Variants in STUM observed in about 807,000 individuals in gnomAD.
STUM encodes the protein protein stum homolog.
In STUM, 8 loss-of-function variants were observed where a neutral mutation model predicts 15.3. The ratio of observed to expected loss-of-function variants is 0.52; its 90% CI spans 0.31 to 0.94. STUM has a LOEUF of 0.94. STUM is among the 40% of genes least tolerant of loss of function. The probability of loss-of-function intolerance (pLI) is 0.05; values close to 1 mark genes in which losing one functional copy is unlikely to be tolerated. For missense variants in STUM, 142 were observed against 204.9 expected (o/e 0.69, Z 1.87); for synonymous variants, 78 against 88.7 (o/e 0.88, Z 0.68).
intron 1 of STUM, among the ~76,000 whole-genome samples, chr1:226,589,182 A>G (rs1378723935): frequency 6.6e-6 from 1 of 152,096 alleles, no homozygotes; most frequent in Non-Finnish European, 1.5e-5. Context: ...GCACCTCCCA[A>G]AGCTCCCACG....
chr1:226,589,218 G>T (rs1668046136), intron 1 of STUM, among the ~76,000 whole-genome samples: 1 of 152,158 alleles, frequency 6.6e-6, no homozygotes, highest in African/African-American at 2.4e-5. Flanking sequence ...GCTGAACCCG[G>T]TGAGAACTCC....
chr1:226,594,821 A>C (rs1668150844), intron 1 of STUM, among the ~76,000 whole-genome samples: 1 of 152,024 alleles, frequency 6.6e-6, no homozygotes, highest in African/African-American at 2.4e-5. Flanking sequence ...CATCCTGCTA[A>C]TTTTTGTATT....
chr1:226,571,310 T>C (rs1050818674), intron 1 of STUM, among the ~76,000 whole-genome samples: 1 of 152,172 alleles, frequency 6.6e-6, no homozygotes, highest in Admixed American at 6.5e-5. Context: ...TCTGTATTGA[T>C]GTATTAAATA....
At chr1:226,570,718 G>A (rs1310437209) in intron 1 of STUM, among the ~76,000 whole-genome samples, 6 of 152,148 alleles carry the variant, frequency 3.9e-5, no homozygotes, top group Non-Finnish European at 8.8e-5. Flanking sequence ...TCCTTCATAT[G>A]TGAAGGGTGA....
chr1:226,590,536 G>A (rs908272014), intron 1 of STUM, among the ~76,000 whole-genome samples: 1 of 152,122 alleles, frequency 6.6e-6, no homozygotes, highest in African/African-American at 2.4e-5. Flanking sequence ...AAATCTTGGT[G>A]TCCCCTAGGG....
Position 226,548,772 on chromosome 1 carries a change from C to A in STUM, c.-133C>A. On this transcript the variant is annotated 5_prime_UTR_variant, in exon 1 of 4. Coordinates refer to ENST00000366788, the MANE Select transcript of STUM (RefSeq NM_001003665.4). ...GGAGGGCGGGAGTCTCCGCGAGCCG[C>A]GCGGCGCACGGAGCACGGCGGCCGC... The A allele has an allele frequency of 1.5e-6, 1 of 673,732 alleles. No homozygotes were observed. The highest frequency in any genetic ancestry group is 2.0e-6 in the Non-Finnish European group (1 of 494,952). The allele number at this position is 673,732 out of a possible 1,614,324, so 41.7% of individuals were successfully genotyped here.
At chr1:226,578,553 A>C (rs1028339349) in intron 1 of STUM, among the ~76,000 whole-genome samples, 1 of 151,734 alleles carries the variant, frequency 6.6e-6, no homozygotes, top group African/African-American at 2.4e-5. Flanking sequence ...ACTTGTAGAG[A>C]CAAGGTCTTA....
chr1:226,578,661 C>T (rs1667863437), intron 1 of STUM, among the ~76,000 whole-genome samples: 1 of 152,182 alleles, frequency 6.6e-6, no homozygotes. Flanking sequence ...CTGCACCCAG[C>T]CCCAGTCCCT....
At chr1:226,570,771 G>T (rs1207068751) in intron 1 of STUM, among the ~76,000 whole-genome samples, 1 of 152,170 alleles carries the variant, frequency 6.6e-6, no homozygotes. Context: ...AAATCCAGAG[G>T]TTCTTAACCT....
intron 1 of STUM, among the ~76,000 whole-genome samples, chr1:226,582,156 G>A (rs1325064028): frequency 1.3e-5 from 2 of 152,228 alleles, no homozygotes; most frequent in East Asian, 3.8e-4. Flanking sequence ...CGCTGCTGCT[G>A]CTGTGCCGGC....
At chr1:226,570,838 G>A (rs763978458) in intron 1 of STUM, among the ~76,000 whole-genome samples, 2 of 152,106 alleles carry the variant, frequency 1.3e-5, no homozygotes, top group Non-Finnish European at 2.9e-5. Context: ...CCCCTTCTCA[G>A]AATAATGGTT....
Position 226,567,863 on chromosome 1 carries a change from A to G in STUM, c.202+18757A>G, listed in dbSNP as rs1667648005. On this transcript the variant is annotated intron_variant, in intron 1 of 3. Coordinates refer to ENST00000366788, the MANE Select transcript of STUM (RefSeq NM_001003665.4). The surrounding 1 kb of genome is among the most constrained non-coding windows in gnomAD (Gnocchi z 4.5). ...TATGAATCATAAAGAATTATGAATT[A>G]CTAGAAAGCTATTGTGTTGACATTA... is the stretch of plus-strand genomic sequence containing the variant. Among the ~76,000 whole-genome samples, 1 of 152,232 alleles carries G rather than the reference A, an allele frequency of 6.6e-6. No individual in the cohort carries two copies. Among genetic ancestry groups the G allele is most frequent in the African/African-American group, 2.4e-5 (1 of 41,458 alleles).
intron 1 of STUM, among the ~76,000 whole-genome samples, chr1:226,586,022 A>T (rs1475329145): frequency 6.6e-6 from 1 of 152,034 alleles, no homozygotes; most frequent in Non-Finnish European, 1.5e-5. Context: ...TTATAAGGGC[A>T]TCAATTCCAT....
chr1:226,571,233 A>AAAAACAAAACAAAAC (rs371772503), intron 1 of STUM, among the ~76,000 whole-genome samples: 21 of 152,026 alleles, frequency 1.4e-4, no homozygotes, highest in Middle Eastern at 3.4e-3. Flanking sequence ...GGACTGTCTC[A>AAAAACAAAACAAAAC]AAAACAAAAC....
intron 1 of STUM, among the ~76,000 whole-genome samples, chr1:226,554,264 C>T (rs910792902): frequency 1.3e-5 from 2 of 152,190 alleles, no homozygotes; most frequent in Non-Finnish European, 2.9e-5. Context: ...CATGGCATGG[C>T]ATGTGAATCA....
At chr1:226,571,970 C>G (rs7519202) in intron 1 of STUM, among the ~76,000 whole-genome samples, 26,694 of 152,148 alleles carry the variant, frequency 0.18, 2,798 homozygotes, top group African/African-American at 0.29. Flanking sequence ...TCCTACTTCG[C>G]ACTTCTGAGT....
At chr1:226,583,435 G>C (rs1331314350) in intron 1 of STUM, among the ~76,000 whole-genome samples, 1 of 152,218 alleles carries the variant, frequency 6.6e-6, no homozygotes, top group Non-Finnish European at 1.5e-5. Context: ...GTGCATTACA[G>C]ATTGATTATA....
intron 1 of STUM, among the ~76,000 whole-genome samples, chr1:226,563,935 G>C (rs1667580889): frequency 1.3e-5 from 2 of 152,218 alleles, no homozygotes; most frequent in Admixed American, 1.3e-4. Context: ...TGAGGCTCAA[G>C]GCAGAAAGGG....
chr1:226,568,754 G>A (rs936458703), intron 1 of STUM, among the ~76,000 whole-genome samples: 9 of 152,262 alleles, frequency 5.9e-5, no homozygotes, highest in African/African-American at 2.2e-4. Flanking sequence ...CCCAAGGCAT[G>A]AAATGCAGTG....
Sources: gnomAD v4.1 joint callset for allele counts (sites outside exome capture counted in the v4.1 genomes callset) on GRCh38, gnomAD v4.1.1 for gene constraint, Gnocchi (gnomAD v3.1) non-coding constraint, MANE v1.5 for transcripts, NCBI Gene and HGNC (gene_info 2026-07-23, HGNC 2026-07-21) for gene names.